Variants in PREB observed in about 807,000 individuals in gnomAD.
PREB encodes the protein guanine nucleotide-exchange factor SEC12.
A neutral mutation model predicts 46.7 loss-of-function variants in PREB; 29 were observed. The ratio of observed to expected loss-of-function variants is 0.62; its 90% CI spans 0.46 to 0.85. The LOEUF (loss-of-function observed/expected upper bound fraction) is 0.85. Among genes scored for constraint, PREB ranks in the 40% least tolerant of loss-of-function variants. PREB has a pLI of 0.00. For synonymous variants in PREB, 224 were observed against 220.1 expected (o/e 1.02, Z -0.16); for missense variants, 494 against 528.4 (o/e 0.93, Z 0.64).
rs1417093690 is a variant in PREB at position 27,130,911 on chromosome 2, C to G, written c.*503G>C. On this transcript the variant is annotated 3_prime_UTR_variant, in exon 9 of 9. Transcript: ENST00000260643. ...GCTGGCTTAGTGCTACCCATCTGAA[C>G]CCCCAGATTACTACCCAAGTCTTCC... is the stretch of plus-strand genomic sequence containing the variant. 3 of 766,662 alleles carry G rather than the reference C, an allele frequency of 3.9e-6. No homozygotes were observed. The African/African-American group carries it at 5.3e-5, about 13-fold the overall frequency. 47.5% of individuals were successfully genotyped at this position (766,662 alleles called of 1,614,324 possible). A position where few individuals can be genotyped will look rare whatever the true frequency, so the allele number is the denominator to read the frequency against.
At chr2:27,131,561 A>AAACCAG (rs1672269067) in intron 8 of PREB, 53 bp from the exon 9 acceptor site, 1 of 1,599,132 alleles carries the variant, frequency 6.3e-7, no homozygotes, top group Non-Finnish European at 8.6e-7. Context: ...CCCAGCCTGA[A>AAACCAG]AACCAGAACC....
intron 1 of PREB, chr2:27,133,956 C>T (rs1672392165): frequency 3.3e-6 from 2 of 608,406 alleles, no homozygotes; most frequent in Non-Finnish European, 5.7e-6. Flanking sequence ...TTAGCCTAAA[C>T]CCAAATGCAC....
chr2:27,134,520 C>A lies in PREB; in HGVS notation c.-99G>T, dbSNP rs1411937673. 2.9e-6 allele frequency: 4 copies of A among 1,387,726 alleles called. No individual in the cohort carries two copies. The African/African-American group carries it at 6.2e-5, about 21-fold the overall frequency. The allele number at this position is 1,387,726 out of a possible 1,614,324, so 86.0% of individuals were successfully genotyped here. A position where few individuals can be genotyped will look rare whatever the true frequency, so the allele number is the denominator to read the frequency against. Reference sequence around the variant, plus strand: ...CGGCGGCTGGTGAACTCGGCCCCGTCGCCGCCGGGAGCACTCCCTACCCCT... The same window carrying A: ...CGGCGGCTGGTGAACTCGGCCCCGTAGCCGCCGGGAGCACTCCCTACCCCT... On this transcript the variant is annotated 5_prime_UTR_variant, in exon 1 of 9. Transcript: ENST00000260643.
Position 27,130,822 on chromosome 2 carries a change from G to A in PREB, c.*592C>T, listed in dbSNP as rs1672220950. On this transcript the variant is annotated 3_prime_UTR_variant, in exon 9 of 9. Coordinates refer to ENST00000260643, the MANE Select transcript of PREB (RefSeq NM_013388.6). ...AACTTTTCCTGCCTAATGGGCTGAG[G>A]TTCATTTTCCCATTCCTCAAGGTAA... The A allele has an allele frequency of 6.7e-7, 1 of 1,502,662 alleles. No homozygotes were observed. Among genetic ancestry groups the A allele is most frequent in the Admixed American group, 1.8e-5 (1 of 56,700 alleles). 93.1% of individuals were successfully genotyped at this position (1,502,662 alleles called of 1,614,324 possible). A position where few individuals can be genotyped will look rare whatever the true frequency, so the allele number is the denominator to read the frequency against.
rs138063279 is a variant in PREB, at chr2:27,133,246, G to A, written c.417C>T (p.Leu139=). ...GAETQHEGLE[L]RVENLQAVQT... ...GCACCGCCTGCAAATTCTCTACCCTGAGTTCTAGCCCCTCGTGCTGGGTTT... is the reference window on the plus strand; with the variant it reads ...GCACCGCCTGCAAATTCTCTACCCTAAGTTCTAGCCCCTCGTGCTGGGTTT... Residue 139 remains leucine, a synonymous_variant, in exon 3 of 9, where the codon CTC becomes CTT. Transcript: ENST00000260643. The A allele has an allele frequency of 1.9e-6, 3 of 1,614,080 alleles. No homozygotes were observed. The highest frequency in any genetic ancestry group is 2.7e-5 in the African/African-American group (2 of 74,924).
chr2:27,134,193 A>C, intron 1 of PREB, 94 bp downstream of exon 1: 5 of 1,399,382 alleles, frequency 3.6e-6, no homozygotes, highest in Non-Finnish European at 4.7e-6. Flanking sequence ...CAGGGCCCGA[A>C]GCTGGAGTGT....
At chr2:27,133,874 A>G (rs763243290) in intron 1 of PREB, 153 bp from the exon 2 acceptor site, 3 of 718,950 alleles carry the variant, frequency 4.2e-6, no homozygotes, top group Non-Finnish European at 6.8e-6. Context: ...TCACAAATCT[A>G]CACAGTGAGC....
chr2:27,133,753 C>T, intron 1 of PREB, 32 bp from the exon 2 acceptor site: 1 of 1,602,318 alleles, frequency 6.2e-7, no homozygotes, highest in South Asian at 1.1e-5. Flanking sequence ...TGAGCAAGTT[C>T]AGGGGTGCCC....
intron 1 of PREB, 48 bp downstream of exon 1, chr2:27,134,239 G>C (rs1264133502): frequency 1.3e-6 from 2 of 1,500,904 alleles, no homozygotes; most frequent in Non-Finnish European, 1.8e-6. Flanking sequence ...CCCTGGAATC[G>C]CCGCCAGCCC....
Position 27,131,014 on chromosome 2 carries a change from G to C in PREB, c.*400C>G, listed in dbSNP as rs1672228495. The C allele has an allele frequency of 5.5e-6, 3 of 549,642 alleles. No individual in the cohort carries two copies. Among genetic ancestry groups the C allele is most frequent in the South Asian group, 2.2e-5 (1 of 46,492 alleles). The allele number at this position is 549,642 out of a possible 1,614,324, so 34.0% of individuals were successfully genotyped here. A position where few individuals can be genotyped will look rare whatever the true frequency, so the allele number is the denominator to read the frequency against. ...AAATGCCAGGGGCTTCATGTGAAGA[G>C]GAACTGGCCACAAGGCTGAGGGGAG... On this transcript the variant is annotated 3_prime_UTR_variant, in exon 9 of 9. Transcript: ENST00000260643.
rs991410205 is a variant in PREB at position 27,131,577 on chromosome 2, AAGG to A, written c.1160-72_1160-70del. The A allele has an allele frequency of 2.5e-6, 4 of 1,596,542 alleles. No homozygotes were observed. The African/African-American group carries it at 5.4e-5, about 21-fold the overall frequency. ...CCAGCCTGAAAACCAGAACCCTTCAAAGGAGGAGTGGCACAAAGAGCCCAGCCT... is the reference window on the plus strand; with the variant it reads ...CCAGCCTGAAAACCAGAACCCTTCAAAGGAGTGGCACAAAGAGCCCAGCCT... On this transcript the variant is annotated intron_variant, in intron 8 of 8. Transcript: ENST00000260643.
chr2:27,133,686 C>G lies in PREB; in HGVS notation c.171G>C (p.Leu57Phe), dbSNP rs145236512. 4.6e-5 allele frequency: 74 copies of G among 1,614,132 alleles called. No individual in the cohort carries two copies. The African/African-American group carries it at 8.5e-4, about 19-fold the overall frequency. The change falls in exon 2 of 9, where the codon TTG becomes TTC. Residue 57 changes from leucine to phenylalanine, a missense_variant. Transcript: ENST00000260643. ...CATGGGAGTGCAGCAAGGAGGCACTCAAGCGCCCATTAATCAGCTCTAGCT... is the reference window on the plus strand; with the variant it reads ...CATGGGAGTGCAGCAAGGAGGCACTGAAGCGCCCATTAATCAGCTCTAGCT... ...FLQLELINGR[L>F]SASLLHSHDT...
Position 27,133,707 on chromosome 2 carries a change from T to C in PREB, c.150A>G (p.Leu50=), listed in dbSNP as rs1672383051. 1.9e-6 allele frequency: 3 copies of C among 1,613,706 alleles called. No individual in the cohort carries two copies. The highest frequency in any genetic ancestry group is 1.3e-5 in the African/African-American group (1 of 74,932). Residue 50 remains leucine (L), a synonymous_variant, in exon 2 of 9, where the codon CTA becomes CTG. Coordinates refer to ENST00000260643, the MANE Select transcript of PREB (RefSeq NM_013388.6). ...GIKNGVHFLQ[L]ELINGRLSAS... is the part of the protein sequence containing the mutation. ...CACTCAAGCGCCCATTAATCAGCTC[T>C]AGCTGCAGAAAGTGCTGTGGGAGGG...
chr2:27,131,188 G>A lies in PREB; in HGVS notation c.*226C>T, dbSNP rs924392055. ...GAGTATGGCCTGGGCTTCAGATACC[G>A]CTGTTCTGGATGGATCCACAGATGA... On this transcript the variant is annotated 3_prime_UTR_variant, in exon 9 of 9. Transcript: ENST00000260643. The A allele has an allele frequency of 1.6e-5, 9 of 580,092 alleles. No homozygotes were observed. Among genetic ancestry groups the A allele is most frequent in the East Asian group, 5.7e-5 (2 of 34,788 alleles). 35.9% of individuals were successfully genotyped at this position (580,092 alleles called of 1,614,324 possible).
chr2:27,130,952 C>T lies in PREB; in HGVS notation c.*462G>A. On this transcript the variant is annotated 3_prime_UTR_variant, in exon 9 of 9. Coordinates refer to ENST00000260643, the MANE Select transcript of PREB (RefSeq NM_013388.6). ...CAAGTCTTCCTTTTGCCCCTTCCTGCCCTAACAGCAAGTACCAGGCCAGTC... is the reference window on the plus strand; with the variant it reads ...CAAGTCTTCCTTTTGCCCCTTCCTGTCCTAACAGCAAGTACCAGGCCAGTC... 1 of 625,226 alleles carries T rather than the reference C, an allele frequency of 1.6e-6. No individual in the cohort carries two copies. Among genetic ancestry groups the T allele is most frequent in the East Asian group, 2.8e-5 (1 of 35,666 alleles). The allele number at this position is 625,226 out of a possible 1,614,324, so 38.7% of individuals were successfully genotyped here.
At chr2:27,133,845 T>G (rs776051814) in intron 1 of PREB, 124 bp from the exon 2 acceptor site, 89 of 980,684 alleles carry the variant, frequency 9.1e-5, no homozygotes, top group Non-Finnish European at 1.2e-4. Context: ...TCTCGAGTCT[T>G]TTTTCTCTCA....
In PREB at chr2:27,133,524, C is replaced by A; in HGVS notation, c.325+8G>T. The stretch of plus-strand genomic sequence containing the variant: ...TTTCCCCAAGGGGGTAGAGAGGGAG[C>A]TCCTCACCGGCCTTCTCTGCCTTGT... On this transcript the variant is annotated splice_region_variant and intron_variant, in intron 2 of 8. Transcript: ENST00000260643. 2 of 1,611,732 alleles carry A rather than the reference C, an allele frequency of 1.2e-6. 1 individual carries two copies.
chr2:27,130,920 T>A lies in PREB; in HGVS notation c.*494A>T. On this transcript the variant is annotated 3_prime_UTR_variant, in exon 9 of 9. Coordinates refer to ENST00000260643, the MANE Select transcript of PREB (RefSeq NM_013388.6). Reference sequence around the variant, plus strand: ...GTGCTACCCATCTGAACCCCCAGATTACTACCCAAGTCTTCCTTTTGCCCC... The same window carrying A: ...GTGCTACCCATCTGAACCCCCAGATAACTACCCAAGTCTTCCTTTTGCCCC... The A allele has an allele frequency of 1.4e-6, 1 of 730,508 alleles. No individual in the cohort carries two copies. Among genetic ancestry groups the A allele is most frequent in the African/African-American group, 1.8e-5 (1 of 56,542 alleles). The allele number at this position is 730,508 out of a possible 1,614,324, so 45.3% of individuals were successfully genotyped here.
Position 27,131,724 on chromosome 2 carries a change from C to G in PREB, c.1107G>C (p.Leu369=). ...AACGACTGTCCACAGCCACAGAGAA[C>G]AGGGCAGTTTCATGGGACCCAAGGA... is the stretch of plus-strand genomic sequence containing the variant. ...PELLGSHETA[L]FSVAVDSRCQ... is the part of the protein sequence containing the mutation. The change falls in exon 8 of 9, where the codon CTG becomes CTC. Residue 369 remains leucine, a synonymous_variant. Transcript: ENST00000260643. 3 of 1,614,186 alleles carry G rather than the reference C, an allele frequency of 1.9e-6. No individual in the cohort carries two copies. Among genetic ancestry groups the G allele is most frequent in the Non-Finnish European group, 2.5e-6 (3 of 1,180,032 alleles).
Sources: gnomAD v4.1 joint callset for allele counts on GRCh38, gnomAD v4.1.1 for gene constraint, MANE v1.5 for transcripts, NCBI Gene and HGNC (gene_info 2026-07-23, HGNC 2026-07-21) for gene names.